Variants in EML5 observed in about 807,000 individuals in gnomAD.
The protein encoded by EML5 is EMAP like 5.
In EML5, 120 loss-of-function variants were observed where a neutral mutation model predicts 250.0. That is an observed-to-expected ratio of 0.48 (90% CI 0.41 to 0.56). The LOEUF (loss-of-function observed/expected upper bound fraction) is 0.56. Ranked by LOEUF, EML5 falls within the 20% of genes least tolerant of loss-of-function variation. The pLI, the probability that EML5 is intolerant of heterozygous loss-of-function variation, is 0.00. For missense variants in EML5, 2,006 were observed against 2,437.6 expected, an observed-to-expected ratio of 0.82 and a Z score of 3.73; for synonymous variants, 771 against 806.5, an observed-to-expected ratio of 0.96 and a Z score of 0.75.
At chr14:88,627,219 C>T (rs1211872913) in intron 34 of EML5, 173 bp from the exon 35 acceptor site, 18 of 631,444 alleles carry the variant, frequency 2.9e-5, no homozygotes. Context: ...GTATTGAGTC[C>T]TTTTCACTTA....
At position 88,792,314 on chromosome 14, in the gene EML5, TGTC is replaced by T; in HGVS notation, c.187_189del (p.Asp63del). The T allele has an allele frequency of 3.2e-6, 5 of 1,556,534 alleles. No homozygotes were observed. Among genetic ancestry groups the T allele is most frequent in the Non-Finnish European group, 4.3e-6 (5 of 1,152,366 alleles). On this transcript the variant is annotated inframe_deletion, in exon 1 of 44. Transcript: ENST00000554922. This position sits in a 1 kb window ranked among gnomAD's most constrained non-coding sequence, Gnocchi z 6.9. The stretch of plus-strand genomic sequence containing the variant: ...GCCCCCGCTCCCCGGTACCTGATGA[TGTC>T]GTCGCTGTGGCCCCGGTAGAACTTC...
chr14:88,766,621 C>A (rs1358381686), intron 1 of EML5, among the ~76,000 whole-genome samples: 3 of 152,232 alleles, frequency 2.0e-5, no homozygotes, highest in African/African-American at 4.8e-5. Context: ...TCGCCCCAGT[C>A]CTGTGATCTC....
chr14:88,722,997 A>G (rs1187184512), intron 8 of EML5, among the ~76,000 whole-genome samples: 2 of 152,206 alleles, frequency 1.3e-5, no homozygotes, highest in African/African-American at 4.8e-5. Flanking sequence ...AAGGAAAGAC[A>G]TATTTGAAGA....
intron 1 of EML5, among the ~76,000 whole-genome samples, chr14:88,758,242 A>C (rs1315966486): frequency 1.3e-5 from 2 of 151,788 alleles, no homozygotes; most frequent in East Asian, 3.9e-4. Context: ...GCCCAGGCTG[A>C]AATGCAATGA....
In EML5 at chr14:88,616,879, A is replaced by G; in HGVS notation, c.5643T>C (p.Ser1881=). 1 of 1,612,998 alleles carries G rather than the reference A, an allele frequency of 6.2e-7. No homozygotes were observed. The highest frequency in any genetic ancestry group is 8.5e-7 in the Non-Finnish European group (1 of 1,179,474). The change falls in exon 42 of 44, where the codon AGT becomes AGC. Residue 1881 remains serine (S), a splice_region_variant and synonymous_variant. Coordinates refer to ENST00000554922, the MANE Select transcript of EML5 (RefSeq NM_183387.3). ...IDRITWATWT[S]ILGDEVLGIW... ...TTCCCAAAACCTCATCTCCTAGAAT[A>G]CTAGAGGGAAGGAACAAAAGAAAAC... is the stretch of plus-strand genomic sequence containing the variant.
At position 88,661,848 on chromosome 14, in the gene EML5, T is replaced by C; in HGVS notation, c.3499-18A>G. 4 of 1,600,580 alleles carry C rather than the reference T, an allele frequency of 2.5e-6. No individual in the cohort carries two copies. The highest frequency in any genetic ancestry group is 3.4e-6 in the Non-Finnish European group (4 of 1,172,334). ...TTTTCTACCTAAAAATGAAAAACAATGCTGTAAGTTTGGATTATCCAAACC... is the reference window on the plus strand; with the variant it reads ...TTTTCTACCTAAAAATGAAAAACAACGCTGTAAGTTTGGATTATCCAAACC... On this transcript the variant is annotated intron_variant, in intron 24 of 43. Coordinates refer to ENST00000554922, the MANE Select transcript of EML5 (RefSeq NM_183387.3).
At chr14:88,705,363 T>C (rs1414265737) in intron 12 of EML5, 119 bp downstream of exon 12, 3 of 787,194 alleles carry the variant, frequency 3.8e-6, no homozygotes, top group Non-Finnish European at 6.3e-6. Context: ...AAAACTAATA[T>C]AGTCATACAT....
intron 1 of EML5, among the ~76,000 whole-genome samples, chr14:88,789,321 A>G (rs1478545613): frequency 6.6e-6 from 1 of 152,224 alleles, no homozygotes; most frequent in Non-Finnish European, 1.5e-5. Context: ...AAAGCCCTAT[A>G]TTATTTCTGA....
In EML5 at chr14:88,622,638, G is replaced by C. The variant is rs764417007; in HGVS notation, c.4979C>G (p.Ala1660Gly). The C allele has an allele frequency of 1.2e-6, 2 of 1,610,706 alleles. No homozygotes were observed. Among genetic ancestry groups the C allele is most frequent in the Non-Finnish European group, 1.7e-6 (2 of 1,178,306 alleles). ...GCACACAGAACGAACACAATCTGTGGCTTGTCCTGTCTCAAGCCTGAAGGC... is the reference window on the plus strand; with the variant it reads ...GCACACAGAACGAACACAATCTGTGCCTTGTCCTGTCTCAAGCCTGAAGGC... The part of the protein sequence containing the change: ...CRAFRLETGQ[A>G]TDCVRSVCRG... The change falls in exon 37 of 44, where the codon GCC becomes GGC. Residue 1660 changes from alanine to glycine, a missense_variant. Ala to Gly is a moderately conservative substitution (Grantham distance 60). Around this residue, in one of 7 missense-constraint regions of EML5, gnomAD observed 405 missense variants for 523.3 expected, o/e 0.77. Coordinates refer to ENST00000554922, the MANE Select transcript of EML5 (RefSeq NM_183387.3).
intron 25 of EML5, among the ~76,000 whole-genome samples, chr14:88,659,683 G>A (rs376207771): frequency 6.6e-6 from 1 of 152,314 alleles, no homozygotes; most frequent in East Asian, 1.9e-4. Context: ...CTGGAACGCT[G>A]GAAGTGAAGT....
intron 4 of EML5, among the ~76,000 whole-genome samples, chr14:88,741,378 C>T (rs936957791): frequency 3.3e-5 from 5 of 152,072 alleles, no homozygotes; most frequent in African/African-American, 1.2e-4. Flanking sequence ...TGAGCAATTG[C>T]TTTGCTTGTA....
chr14:88,710,270 T>A (rs1340767626), intron 10 of EML5, among the ~76,000 whole-genome samples: 3 of 152,244 alleles, frequency 2.0e-5, no homozygotes, highest in Non-Finnish European at 4.4e-5. Context: ...TATATGTGGT[T>A]CATATGATCA....
In EML5 at chr14:88,671,531, G is replaced by A. The variant is rs562550464; in HGVS notation, c.3125-6042C>T. Among the ~76,000 whole-genome samples, 6 of 152,246 alleles carry A rather than the reference G, an allele frequency of 3.9e-5. No individual in the cohort carries two copies. The South Asian group carries it at 1.2e-3, about 32-fold the overall frequency. ...TAACCAGCTAGCATCACGATGACAG[G>A]ATCAAATTCACACATAACAATATTA... On this transcript the variant is annotated intron_variant, in intron 21 of 43. Coordinates refer to ENST00000554922, the MANE Select transcript of EML5 (RefSeq NM_183387.3).
intron 30 of EML5, 54 bp downstream of exon 30, chr14:88,644,379 T>TA: frequency 1.3e-6 from 2 of 1,546,690 alleles, no homozygotes; most frequent in Non-Finnish European, 1.8e-6. Flanking sequence ...GGGTGTTTTA[T>TA]AAAAAAGAAC....
At chr14:88,756,760 G>A (rs752485100) in intron 1 of EML5, among the ~76,000 whole-genome samples, 1 of 151,946 alleles carries the variant, frequency 6.6e-6, no homozygotes, top group African/African-American at 2.4e-5. Flanking sequence ...AAACATTTAG[G>A]AATAAATTAA....
intron 31 of EML5, among the ~76,000 whole-genome samples, chr14:88,642,552 T>C (rs2091122001): frequency 6.6e-6 from 1 of 152,100 alleles, no homozygotes; most frequent in Non-Finnish European, 1.5e-5. Context: ...ATCCAAACCA[T>C]CTATTCTCAT....
In EML5 at chr14:88,661,888, C is replaced by T. The variant is rs973799828; in HGVS notation, c.3499-58G>A. Reference sequence around the variant, plus strand: ...TTATCCAAACCTAAAGTATTAACAACCAAAATGTAAACATTTTTCTTTGTA... The same window carrying T: ...TTATCCAAACCTAAAGTATTAACAATCAAAATGTAAACATTTTTCTTTGTA... On this transcript the variant is annotated intron_variant, in intron 24 of 43. Coordinates refer to ENST00000554922, the MANE Select transcript of EML5 (RefSeq NM_183387.3). 3 of 1,442,298 alleles carry T rather than the reference C, an allele frequency of 2.1e-6. No individual in the cohort carries two copies. The African/African-American group carries it at 4.2e-5, about 20-fold the overall frequency. 89.3% of individuals were successfully genotyped at this position (1,442,298 alleles called of 1,614,324 possible).
At chr14:88,718,759 AAGAG>A (rs1460014479) in intron 8 of EML5, among the ~76,000 whole-genome samples, 2 of 152,080 alleles carry the variant, frequency 1.3e-5, no homozygotes, top group Non-Finnish European at 2.9e-5. Flanking sequence ...AATGTGATGT[AAGAG>A]AGAGAGACTT....
intron 5 of EML5, 126 bp downstream of exon 5, chr14:88,740,261 A>G: frequency 3.1e-6 from 2 of 643,122 alleles, no homozygotes; most frequent in Non-Finnish European, 2.4e-6. Context: ...TAGATAATTC[A>G]GTTAGAAAAG....
Sources: allele counts gnomAD v4.1 joint callset (sites outside exome capture counted in the v4.1 genomes callset), GRCh38; gene constraint gnomAD v4.1.1; regional missense constraint gnomAD v4.1.1; non-coding constraint Gnocchi (gnomAD v3.1); transcripts MANE v1.5; gene names NCBI Gene and HGNC (gene_info 2026-07-23, HGNC 2026-07-21).